The following TENM3 variants were observed in gnomAD, a reference collection of about 807,000 sequenced individuals.
TENM3 encodes the protein teneurin-3.
In TENM3, 63 loss-of-function variants were observed where a neutral mutation model predicts 255.1. The ratio of observed to expected loss-of-function variants is 0.25; its 90% CI spans 0.20 to 0.30. TENM3 has a LOEUF of 0.30. Ranked by LOEUF, TENM3 falls within the 10% of genes least tolerant of loss-of-function variation. The pLI, the probability that TENM3 is intolerant of heterozygous loss-of-function variation, is 1.00. For synonymous variants in TENM3, 1,306 were observed against 1,322.3 expected (o/e 0.99, Z 0.27); for missense variants, 2,929 against 3,461.1 (o/e 0.85, Z 3.86).
chr4:182,447,888 T>A (rs1580575571), intron 3 of TENM3, among the ~76,000 whole-genome samples: 1 of 152,092 alleles, frequency 6.6e-6, no homozygotes, highest in South Asian at 2.1e-4. Flanking sequence ...GAAGAAAAAT[T>A]AAAGGAAGGA....
the TENM3 span, among the ~76,000 whole-genome samples, chr4:181,538,020 A>AT: frequency 2.0e-5 from 3 of 152,090 alleles, no homozygotes; most frequent in Admixed American, 6.5e-5. Flanking sequence ...TATTTGGTGA[A>AT]TTTTTTTGTT....
chr4:181,573,385 A>G, the TENM3 span, among the ~76,000 whole-genome samples: 1 of 151,712 alleles, frequency 6.6e-6, no homozygotes, highest in African/African-American at 2.4e-5. Flanking sequence ...CCTTTTTTCC[A>G]CATCCTGGCC....
At chr4:182,243,792 T>C (rs1757448550) in intron 1 of TENM3, among the ~76,000 whole-genome samples, 1 of 152,110 alleles carries the variant, frequency 6.6e-6, no homozygotes, top group African/African-American at 2.4e-5. Context: ...TAATTTTAAA[T>C]GTATGTCTGT....
Position 182,730,956 on chromosome 4 carries a change from T to C in TENM3, c.2784T>C (p.Thr928=). Residue 928 remains threonine, a synonymous_variant, in exon 16 of 28, where the codon ACT becomes ACC. Transcript: ENST00000511685. ...ERSPFLTQYH[T]VWIPWNVFYV... ...CCCCATTCCTCACTCAGTATCATAC[T>C]GTGTGGATTCCATGGAATGTCTTTT... is the stretch of plus-strand genomic sequence containing the variant. 6.2e-7 allele frequency: 1 copy of C among 1,613,984 alleles called. No individual in the cohort carries two copies. Among genetic ancestry groups the C allele is most frequent in the Non-Finnish European group, 8.5e-7 (1 of 1,179,870 alleles).
intron 14 of TENM3, among the ~76,000 whole-genome samples, chr4:182,729,558 A>C (rs1406159178): frequency 6.6e-6 from 1 of 152,280 alleles, no homozygotes; most frequent in African/African-American, 2.4e-5. Context: ...TTATGAATGA[A>C]TGTAATGGAA....
the TENM3 span, among the ~76,000 whole-genome samples, chr4:181,873,934 A>C: frequency 1.3e-5 from 2 of 151,696 alleles, no homozygotes; most frequent in Non-Finnish European, 2.9e-5. Context: ...ACAGGCGTGC[A>C]CCACCACGCC....
chr4:182,392,503 A>G (rs1768502102), intron 3 of TENM3, among the ~76,000 whole-genome samples: 1 of 152,240 alleles, frequency 6.6e-6, no homozygotes, highest in Non-Finnish European at 1.5e-5. Flanking sequence ...ATCCATAACC[A>G]GCATTTTTGG....
the TENM3 span, among the ~76,000 whole-genome samples, chr4:181,501,120 A>G: frequency 2.0e-5 from 3 of 152,162 alleles, no homozygotes; most frequent in Non-Finnish European, 2.9e-5. Context: ...ACCATGGCAG[A>G]AAATGACTTC....
At chr4:181,581,040 T>G in the TENM3 span, among the ~76,000 whole-genome samples, 1 of 152,158 alleles carries the variant, frequency 6.6e-6, no homozygotes, top group Non-Finnish European at 1.5e-5. Context: ...TTTTTCCCCA[T>G]GCTTCTCAGC....
At chr4:182,100,808 C>CATATAT in the TENM3 span, among the ~76,000 whole-genome samples, 8 of 3,884 alleles carry the variant, frequency 2.1e-3, 2 homozygotes, top group African/African-American at 4.1e-3. Context: ...CATATATATA[C>CATATAT]ACATATATAT....
At chr4:181,494,713 T>C in the TENM3 span, among the ~76,000 whole-genome samples, 1 of 152,192 alleles carries the variant, frequency 6.6e-6, no homozygotes, top group East Asian at 1.9e-4. Flanking sequence ...ATTTCCCTTC[T>C]GAACCAATAA....
At chr4:182,515,525 CTG>C (rs754574315) in intron 3 of TENM3, among the ~76,000 whole-genome samples, 1 of 152,038 alleles carries the variant, frequency 6.6e-6, no homozygotes, top group Non-Finnish European at 1.5e-5. Context: ...AAAAAGTAGT[CTG>C]TTGTATATAT....
At chr4:181,605,541 AG>A in the TENM3 span, among the ~76,000 whole-genome samples, 1 of 24,186 alleles carries the variant, frequency 4.1e-5, no homozygotes, top group African/African-American at 9.5e-5. Context: ...AAAGAAAGAA[AG>A]AAAGAAAGAA....
the TENM3 span, among the ~76,000 whole-genome samples, chr4:181,830,174 A>C: frequency 6.6e-6 from 1 of 152,210 alleles, no homozygotes; most frequent in Non-Finnish European, 1.5e-5. Context: ...GAGCTTTTCA[A>C]GAGTGCTACG....
chr4:181,517,411 G>C, the TENM3 span, among the ~76,000 whole-genome samples: 4 of 152,248 alleles, frequency 2.6e-5, no homozygotes, highest in East Asian at 7.7e-4. Flanking sequence ...CCCATAAAAG[G>C]TGGGGACAGA....
chr4:182,727,390 A>G (rs1438040085), intron 13 of TENM3, among the ~76,000 whole-genome samples: 1 of 143,754 alleles, frequency 7.0e-6, no homozygotes, highest in Non-Finnish European at 1.5e-5. Flanking sequence ...AGTTAGGCGG[A>G]GGTTGCAGTG....
chr4:182,054,630 G>A, the TENM3 span, among the ~76,000 whole-genome samples: 3 of 152,102 alleles, frequency 2.0e-5, no homozygotes, highest in Non-Finnish European at 4.4e-5. Context: ...AAGGATATTA[G>A]ATTGTCATTA....
At chr4:182,250,378 A>G (rs1487414551) in intron 1 of TENM3, among the ~76,000 whole-genome samples, 1 of 152,074 alleles carries the variant, frequency 6.6e-6, no homozygotes, top group African/African-American at 2.4e-5. Flanking sequence ...CAACTGTTAC[A>G]TCTTTTGTTT....
chr4:181,539,255 G>T, the TENM3 span, among the ~76,000 whole-genome samples: 1 of 152,158 alleles, frequency 6.6e-6, no homozygotes, highest in Non-Finnish European at 1.5e-5. Flanking sequence ...TAGAAATAAA[G>T]TTGTAATTAC....
Sources: allele counts gnomAD v4.1 joint callset (sites outside exome capture counted in the v4.1 genomes callset), GRCh38; gene constraint gnomAD v4.1.1; transcripts MANE v1.5; gene names NCBI Gene and HGNC (gene_info 2026-07-23, HGNC 2026-07-21).